The following KPNA5 variants were observed in gnomAD, a reference collection of about 807,000 sequenced individuals.
The protein encoded by KPNA5 is karyopherin subunit alpha 5, also known as importin subunit alpha-6.
Under a neutral mutation model 71.3 loss-of-function variants are expected in KPNA5, and 46 were observed. The ratio of observed to expected loss-of-function variants is 0.65; its 90% CI spans 0.51 to 0.83. The LOEUF is 0.83. KPNA5 is among the 40% of genes least tolerant of loss of function. The pLI is 0.00. For missense variants in KPNA5, 547 were observed against 628.3 expected (o/e 0.87, Z 1.38); for synonymous variants, 207 against 201.4 (o/e 1.03, Z -0.24).
chr6:116,709,855 C>T (rs1008669283), intron 7 of KPNA5, among the ~76,000 whole-genome samples: 1 of 151,762 alleles, frequency 6.6e-6, no homozygotes, highest in Non-Finnish European at 1.5e-5. Context: ...GCCTCTGCCT[C>T]CTGGGTTCAA....
chr6:116,737,389 G>T lies in KPNA5; in HGVS notation c.*5066G>T, dbSNP rs999838998. ...ATGTGGTCAATAGTACTTGGCTGAA[G>T]ACTCAAAGGGGAATCCTCTGCAGAT... On this transcript the variant is annotated 3_prime_UTR_variant, in exon 14 of 14. Transcript: ENST00000368564. 1.3e-5 allele frequency: 2 copies of T among 151,970 alleles called. No individual in the cohort carries two copies. The highest frequency in any genetic ancestry group is 4.8e-5 in the African/African-American group (2 of 41,390). 9.4% of individuals were successfully genotyped at this position (151,970 alleles called of 1,614,324 possible).
At chr6:116,709,529 T>G (rs1250529269) in intron 7 of KPNA5, among the ~76,000 whole-genome samples, 8 of 152,042 alleles carry the variant, frequency 5.3e-5, no homozygotes, top group Admixed American at 5.2e-4. Flanking sequence ...ATCTCTAAAT[T>G]TTTTTTAAAA....
chr6:116,698,808 A>T lies in KPNA5; in HGVS notation c.435+10A>T. On this transcript the variant is annotated intron_variant, in intron 5 of 13. Coordinates refer to ENST00000368564, the MANE Select transcript of KPNA5 (RefSeq NM_001366306.2). The stretch of plus-strand genomic sequence containing the variant: ...AAATTGCACTTTACAAGTGAGTCTA[A>T]AGTTTTCTTTCTTAATTTTTCTCTA... 1 of 1,463,600 alleles carries T rather than the reference A, an allele frequency of 6.8e-7. No homozygotes were observed. The highest frequency in any genetic ancestry group is 9.3e-7 in the Non-Finnish European group (1 of 1,073,510). The allele number at this position is 1,463,600 out of a possible 1,614,324, so 90.7% of individuals were successfully genotyped here.
chr6:116,707,992 T>A (rs1273831553), intron 7 of KPNA5, among the ~76,000 whole-genome samples: 1 of 152,260 alleles, frequency 6.6e-6, no homozygotes. Flanking sequence ...ATATATCACA[T>A]AAGTGGAATC....
rs1000075617 is a variant in KPNA5, at chr6:116,716,392, T to C, written c.756+74T>C. ...TTTCTATATAATAGCTTTTTGATGT[T>C]TAAGGAACTCCACTTTTTGTTTAGT... On this transcript the variant is annotated intron_variant, in intron 8 of 13. Transcript: ENST00000368564. The C allele has an allele frequency of 8.5e-5, 82 of 959,912 alleles. No homozygotes were observed. In the East Asian group the frequency reaches 2.0e-3, roughly 24 times the overall value. 59.5% of individuals were successfully genotyped at this position (959,912 alleles called of 1,614,324 possible).
chr6:116,685,310 C>T (rs183568770), intron 1 of KPNA5, among the ~76,000 whole-genome samples: 2 of 152,274 alleles, frequency 1.3e-5, no homozygotes, highest in African/African-American at 4.8e-5. Context: ...CCTTTAGGCT[C>T]AGGGGCACAT....
chr6:116,682,260 C>G (rs756547585), intron 1 of KPNA5, among the ~76,000 whole-genome samples: 1 of 152,140 alleles, frequency 6.6e-6, no homozygotes, highest in Non-Finnish European at 1.5e-5. Context: ...ACCCGGGCGG[C>G]GGAGCTTGCA....
At chr6:116,695,286 C>A (rs1777980901) in intron 4 of KPNA5, among the ~76,000 whole-genome samples, 1 of 150,402 alleles carries the variant, frequency 6.6e-6, no homozygotes, top group Admixed American at 6.7e-5. Flanking sequence ...CATTATTTGG[C>A]TTTTTTTTTG....
intron 12 of KPNA5, among the ~76,000 whole-genome samples, chr6:116,729,220 T>TTA (rs1779396234): frequency 8.4e-6 from 1 of 118,688 alleles, no homozygotes; most frequent in Non-Finnish European, 1.7e-5. Flanking sequence ...GGCTTGCCTT[T>TTA]AAAAAAAAAA....
chr6:116,682,398 A>G (rs1403190250), intron 1 of KPNA5, among the ~76,000 whole-genome samples: 3 of 152,226 alleles, frequency 2.0e-5, no homozygotes, highest in Non-Finnish European at 4.4e-5. Context: ...TAAAAAAGAC[A>G]AAAACACTAA....
At chr6:116,707,046 C>T (rs1023014701) in intron 7 of KPNA5, among the ~76,000 whole-genome samples, 2 of 151,926 alleles carry the variant, frequency 1.3e-5, no homozygotes, top group Non-Finnish European at 1.5e-5. Flanking sequence ...CGCCTGTAGT[C>T]CCAGCTACTC....
chr6:116,710,750 GT>G (rs1778630450), intron 7 of KPNA5, among the ~76,000 whole-genome samples: 2 of 149,622 alleles, frequency 1.3e-5, no homozygotes, highest in African/African-American at 4.9e-5. Context: ...TTTCTAAGTG[GT>G]TTTTCATTTC....
chr6:116,726,536 T>C lies in KPNA5; in HGVS notation c.1167T>C (p.Ile389=), dbSNP rs1267395213. 1 of 1,612,386 alleles carries C rather than the reference T, an allele frequency of 6.2e-7. No individual in the cohort carries two copies. Among genetic ancestry groups the C allele is most frequent in the Admixed American group, 1.7e-5 (1 of 59,894 alleles). Residue 389 remains isoleucine, a synonymous_variant, in exon 12 of 14, where the codon ATT becomes ATC. Transcript: ENST00000368564. ...DANIFPVLIE[I]LQKAEFRTRK... is the part of the protein sequence containing the mutation. ...ATATTTTTCCTGTTTTGATTGAGAT[T>C]CTTCAGAAAGCAGAGTTTCGTACCA...
chr6:116,691,928 T>C, intron 2 of KPNA5, 127 bp from the exon 3 acceptor site: 2 of 686,752 alleles, frequency 2.9e-6, no homozygotes, highest in Non-Finnish European at 5.1e-6. Flanking sequence ...AATACTCAAA[T>C]ATTCAGAATT....
chr6:116,740,670 AATG>A lies in KPNA5; in HGVS notation c.*8352_*8354del, dbSNP rs1779841605. The A allele has an allele frequency of 6.6e-6, 1 of 152,176 alleles. No homozygotes were observed. The highest frequency in any genetic ancestry group is 2.4e-5 in the African/African-American group (1 of 41,434). 9.4% of individuals were successfully genotyped at this position (152,176 alleles called of 1,614,324 possible). On this transcript the variant is annotated 3_prime_UTR_variant, in exon 14 of 14. Coordinates refer to ENST00000368564, the MANE Select transcript of KPNA5 (RefSeq NM_001366306.2). ...CATGGAATACTATGCAGCCATAAAA[AATG>A]ATGAGTTCATGTCCTTTGTAGGGAC...
chr6:116,692,224 AT>A, intron 3 of KPNA5, 68 bp downstream of exon 3: 1 of 1,426,624 alleles, frequency 7.0e-7, no homozygotes, highest in Admixed American at 2.0e-5. Flanking sequence ...TATAACAAAT[AT>A]TTATGCATGC....
At position 116,736,035 on chromosome 6, in the gene KPNA5, G is replaced by T. The variant is rs1779658371; in HGVS notation, c.*3712G>T. 1.3e-5 allele frequency: 2 copies of T among 151,724 alleles called. No individual in the cohort carries two copies. The highest frequency in any genetic ancestry group is 6.6e-5 in the Admixed American group (1 of 15,160). 9.4% of individuals were successfully genotyped at this position (151,724 alleles called of 1,614,324 possible). ...CTATCACAAATCAAAAGTAAGTTGG[G>T]GTGGCCATATAATGCATATCAAGGT... is the stretch of plus-strand genomic sequence containing the variant. On this transcript the variant is annotated 3_prime_UTR_variant, in exon 14 of 14. Transcript: ENST00000368564.
chr6:116,681,227 T>G lies in KPNA5; in HGVS notation c.-108T>G, dbSNP rs1777338046. The G allele has an allele frequency of 1.3e-6, 2 of 1,488,124 alleles. No individual in the cohort carries two copies. The highest frequency in any genetic ancestry group is 1.8e-5 in the Admixed American group (1 of 54,562). 92.2% of individuals were successfully genotyped at this position (1,488,124 alleles called of 1,614,324 possible). On this transcript the variant is annotated 5_prime_UTR_variant, in exon 1 of 14. Coordinates refer to ENST00000368564, the MANE Select transcript of KPNA5 (RefSeq NM_001366306.2). The stretch of plus-strand genomic sequence containing the variant: ...GTGGCCGCCATCTTGGATTGCGAAC[T>G]GGGTCGCTACGCTTCACGCCAGGGG...
At chr6:116,729,530 T>C (rs1251735387) in intron 12 of KPNA5, 33 bp from the exon 13 acceptor site, 5 of 1,338,102 alleles carry the variant, frequency 3.7e-6, no homozygotes, top group African/African-American at 1.5e-5. Context: ...AATCTTTTTT[T>C]CCCTGTTTCT....
Sources: allele counts gnomAD v4.1 joint callset (sites outside exome capture counted in the v4.1 genomes callset), GRCh38; gene constraint gnomAD v4.1.1; transcripts MANE v1.5; gene names NCBI Gene and HGNC (gene_info 2026-07-23, HGNC 2026-07-21).